GPC6: variants seen among roughly 807,000 people sequenced by gnomAD.
GPC6 encodes the protein glypican-6.
GPC6 carries 14 observed loss-of-function variants against 55.2 expected under a neutral mutation model. The ratio of observed to expected loss-of-function variants is 0.25; its 90% CI spans 0.17 to 0.40. GPC6 has a LOEUF of 0.40. Ranked by LOEUF, GPC6 falls within the 10% of genes least tolerant of loss-of-function variation. GPC6 has a pLI of 1.00. For synonymous variants in GPC6, 278 were observed against 259.6 expected, an observed-to-expected ratio of 1.07 and a Z score of -0.68; for missense variants, 641 against 708.5, an observed-to-expected ratio of 0.90 and a Z score of 1.08.
intron 2 of GPC6, among the ~76,000 whole-genome samples, chr13:93,717,144 G>GCACA (rs781393980): frequency 1.6e-4 from 24 of 150,626 alleles, no homozygotes; most frequent in African/African-American, 5.6e-4. Context: ...GCATGGGTGC[G>GCACA]CACACACACA....
intron 4 of GPC6, among the ~76,000 whole-genome samples, chr13:94,239,542 A>T (rs9524383): frequency 0.69 from 105,061 of 151,806 alleles, 37,134 homozygotes; most frequent in African/African-American, 0.83. Context: ...AAACTTTTTT[A>T]AAAAATTTCT....
At chr13:94,031,094 G>T (rs978694835) in intron 4 of GPC6, among the ~76,000 whole-genome samples, 1 of 149,874 alleles carries the variant, frequency 6.7e-6, no homozygotes, top group Non-Finnish European at 1.5e-5. Flanking sequence ...GTGTGTGTGC[G>T]TGTGTGTGTG....
rs1365295706 is a variant in GPC6, at chr13:93,844,495, GT to G, written c.711+13957del. On this transcript the variant is annotated intron_variant, in intron 3 of 8. Coordinates refer to ENST00000377047, the MANE Select transcript of GPC6 (RefSeq NM_005708.5). The stretch of plus-strand genomic sequence containing the variant: ...ACCCCACTTTTTGATGGGGTTGTTT[GT>G]TTTTTTCTTGTAAATTTGTTTGAGT... Among the ~76,000 whole-genome samples the G allele has an allele frequency of 2.0e-5, 3 of 151,874 alleles. No homozygotes were observed. The East Asian group carries it at 5.8e-4, about 29-fold the overall frequency.
intron 1 of GPC6, among the ~76,000 whole-genome samples, chr13:93,491,765 T>G (rs1238971415): frequency 7.8e-6 from 1 of 128,728 alleles, no homozygotes; most frequent in East Asian, 2.8e-4. Context: ...CAGCACCATT[T>G]ATTAAATAGG....
chr13:94,038,775 A>C (rs1010732006), intron 4 of GPC6, among the ~76,000 whole-genome samples: 2 of 151,936 alleles, frequency 1.3e-5, no homozygotes, highest in Non-Finnish European at 2.9e-5. Context: ...ATGAACAGAA[A>C]GTAGAAAGGA....
At chr13:93,302,666 A>G (rs4773731) in intron 1 of GPC6, among the ~76,000 whole-genome samples, 18,303 of 152,232 alleles carry the variant, frequency 0.12, 1,318 homozygotes, top group East Asian at 0.36. Context: ...GTCTGCCATT[A>G]GAATCCACTT....
At chr13:93,891,622 G>T (rs1010263283) in intron 3 of GPC6, among the ~76,000 whole-genome samples, 3 of 151,958 alleles carry the variant, frequency 2.0e-5, no homozygotes, top group African/African-American at 7.2e-5. Flanking sequence ...TATACACTTT[G>T]TTCATTAACC....
Position 94,358,582 on chromosome 13 carries a change from C to A in GPC6, c.1153-23832C>A, listed in dbSNP as rs74991317. ...GAGATCACACTGTCTACTCTTTAAC[C>A]CCATGGGTCTGAGTTTTCAGATTTC... On this transcript the variant is annotated intron_variant, in intron 6 of 8. Coordinates refer to ENST00000377047, the MANE Select transcript of GPC6 (RefSeq NM_005708.5). Among the ~76,000 whole-genome samples the A allele has an allele frequency of 4.8e-3, 724 of 152,210 alleles. 16 individuals are homozygous for A. In the East Asian group the frequency reaches 0.073, roughly 15 times the overall value.
At chr13:93,541,049 A>T (rs530470414) in intron 1 of GPC6, among the ~76,000 whole-genome samples, 157 of 151,590 alleles carry the variant, frequency 1.0e-3, no homozygotes, top group African/African-American at 3.6e-3. Flanking sequence ...TTATACTTTA[A>T]GTTTTAGGGA....
chr13:93,502,296 G>A (rs1349784742), intron 1 of GPC6, among the ~76,000 whole-genome samples: 5 of 152,014 alleles, frequency 3.3e-5, no homozygotes, highest in African/African-American at 1.2e-4. Context: ...GAGCGAGAGA[G>A]CAAGAAAGAG....
At chr13:94,149,625 T>C (rs1482016515) in intron 4 of GPC6, among the ~76,000 whole-genome samples, 1 of 152,066 alleles carries the variant, frequency 6.6e-6, no homozygotes, top group Non-Finnish European at 1.5e-5. Context: ...ATCGTGATGT[T>C]TCCTAATAAG....
chr13:93,722,423 T>A (rs1204123878), intron 2 of GPC6, among the ~76,000 whole-genome samples: 2 of 151,902 alleles, frequency 1.3e-5, no homozygotes, highest in Non-Finnish European at 2.9e-5. Context: ...TTAATTTGTT[T>A]AATTTAAAGG....
intron 4 of GPC6, among the ~76,000 whole-genome samples, chr13:94,193,422 G>C (rs1008108061): frequency 6.6e-6 from 1 of 152,098 alleles, no homozygotes; most frequent in Non-Finnish European, 1.5e-5. Flanking sequence ...CGCCATTCCT[G>C]ACCTCTGTGT....
chr13:94,394,281 C>G (rs1402527060), intron 7 of GPC6, among the ~76,000 whole-genome samples: 1 of 152,220 alleles, frequency 6.6e-6, no homozygotes, highest in Non-Finnish European at 1.5e-5. Flanking sequence ...CCAGGGCAAG[C>G]CGCATTGGCA....
Position 93,664,104 on chromosome 13 carries a change from A to C in GPC6, c.319+118683A>C, listed in dbSNP as rs569230222. On this transcript the variant is annotated intron_variant, in intron 2 of 8. Coordinates refer to ENST00000377047, the MANE Select transcript of GPC6 (RefSeq NM_005708.5). Reference sequence around the variant, plus strand: ...CAAAATGTTTGTAACACTTTTAGGAAATAAAATTTACTTGGTAAACAATAA... The same window carrying C: ...CAAAATGTTTGTAACACTTTTAGGACATAAAATTTACTTGGTAAACAATAA... Among the ~76,000 whole-genome samples the C allele has an allele frequency of 2.6e-5, 4 of 152,290 alleles. No homozygotes were observed. The South Asian group carries it at 8.3e-4, about 32-fold the overall frequency.
intron 4 of GPC6, among the ~76,000 whole-genome samples, chr13:94,261,711 A>C (rs1891662912): frequency 6.6e-6 from 1 of 152,224 alleles, no homozygotes; most frequent in African/African-American, 2.4e-5. Flanking sequence ...AGAGACATAG[A>C]GCCCCATCAT....
At chr13:93,691,672 A>G (rs1882261517) in intron 2 of GPC6, among the ~76,000 whole-genome samples, 1 of 152,088 alleles carries the variant, frequency 6.6e-6, no homozygotes, top group Admixed American at 6.6e-5. Flanking sequence ...ATTACATTAT[A>G]CAACTCTTGG....
chr13:93,316,144 C>T (rs1308389898), intron 1 of GPC6, among the ~76,000 whole-genome samples: 1 of 152,030 alleles, frequency 6.6e-6, no homozygotes, highest in Admixed American at 6.6e-5. Context: ...TACCCAAATT[C>T]TTTATCAGAA....
chr13:94,302,702 G>C (rs1875719945), intron 5 of GPC6, among the ~76,000 whole-genome samples: 2 of 152,254 alleles, frequency 1.3e-5, no homozygotes, highest in South Asian at 4.1e-4. Flanking sequence ...TGATCCCTAG[G>C]CTGGGAACTT....
Sources: gnomAD v4.1 joint callset for allele counts (sites outside exome capture counted in the v4.1 genomes callset) on GRCh38, gnomAD v4.1.1 for gene constraint, MANE v1.5 for transcripts, NCBI Gene and HGNC (gene_info 2026-07-23, HGNC 2026-07-21) for gene names.